The following IKZF2 variants were observed in gnomAD, a reference collection of about 807,000 sequenced individuals.
The protein encoded by IKZF2 is IKAROS family zinc finger 2, also known as zinc finger protein Helios.
Under a neutral mutation model 49.2 loss-of-function variants are expected in IKZF2, and 15 were observed. The observed-to-expected ratio is 0.30, with a 90% CI of 0.20 to 0.47. The LOEUF is 0.47. IKZF2 is among the 20% of genes least tolerant of loss of function. IKZF2 has a pLI of 1.00. For missense variants in IKZF2, 567 were observed against 664.6 expected (o/e 0.85, Z 1.61); for synonymous variants, 227 against 221.4 (o/e 1.03, Z -0.23).
chr2:213,033,313 A>C (rs1031498253), intron 6 of IKZF2, among the ~76,000 whole-genome samples: 16 of 152,310 alleles, frequency 1.1e-4, no homozygotes, highest in African/African-American at 3.8e-4. Flanking sequence ...ACTTTTTCCC[A>C]ACTCCTGTTA....
intron 4 of IKZF2, among the ~76,000 whole-genome samples, chr2:213,077,122 T>G (rs1037558982): frequency 2.7e-4 from 41 of 152,204 alleles, no homozygotes; most frequent in African/African-American, 8.2e-4. Flanking sequence ...GAATCTGGTA[T>G]AGAGAAGGCT....
chr2:213,040,845 C>T (rs1195196466), intron 6 of IKZF2, among the ~76,000 whole-genome samples: 3 of 152,214 alleles, frequency 2.0e-5, no homozygotes, highest in Non-Finnish European at 4.4e-5. Flanking sequence ...AGGGTGGGCG[C>T]AGTGGCTCAC....
At chr2:213,030,812 CTT>C (rs918257825) in intron 6 of IKZF2, among the ~76,000 whole-genome samples, 11 of 133,672 alleles carry the variant, frequency 8.2e-5, no homozygotes, top group Non-Finnish European at 8.0e-5. Context: ...TACTATTTTT[CTT>C]TTTTTTTTTT....
At chr2:213,138,942 A>C (rs2060774079) in intron 4 of IKZF2, among the ~76,000 whole-genome samples, 1 of 151,992 alleles carries the variant, frequency 6.6e-6, no homozygotes, top group African/African-American at 2.4e-5. Context: ...TCTTCATCTA[A>C]AATAGATATT....
intron 6 of IKZF2, among the ~76,000 whole-genome samples, chr2:213,022,422 C>T (rs1209564891): frequency 6.6e-6 from 1 of 152,146 alleles, no homozygotes; most frequent in Non-Finnish European, 1.5e-5. Flanking sequence ...AATTATCTCA[C>T]TCTTAATACA....
chr2:213,052,738 A>G (rs1247413451), intron 5 of IKZF2, among the ~76,000 whole-genome samples: 2 of 152,110 alleles, frequency 1.3e-5, no homozygotes, highest in Non-Finnish European at 2.9e-5. Flanking sequence ...TATCTGTCTA[A>G]TAACAAATAA....
intron 4 of IKZF2, among the ~76,000 whole-genome samples, chr2:213,136,387 A>G (rs13417637): frequency 0.07 from 7,007 of 99,762 alleles, 689 homozygotes; most frequent in African/African-American, 0.19. Flanking sequence ...AAAAAAAAAA[A>G]AAAAGAAAAA....
At chr2:213,123,153 T>C (rs1204616558) in intron 4 of IKZF2, among the ~76,000 whole-genome samples, 1 of 152,170 alleles carries the variant, frequency 6.6e-6, no homozygotes, top group Non-Finnish European at 1.5e-5. Flanking sequence ...ATATTATCTT[T>C]TTCACCTAGG....
chr2:213,073,801 T>A (rs1432731801), intron 4 of IKZF2, among the ~76,000 whole-genome samples: 1 of 152,188 alleles, frequency 6.6e-6, no homozygotes, highest in African/African-American at 2.4e-5. Flanking sequence ...CCTCCACATC[T>A]CTAAATAACC....
chr2:213,112,957 T>A (rs2059762691), intron 4 of IKZF2, among the ~76,000 whole-genome samples: 1 of 152,162 alleles, frequency 6.6e-6, no homozygotes, highest in Admixed American at 6.5e-5. Flanking sequence ...GACAAAACAT[T>A]TCCCTTGATC....
At chr2:213,119,759 T>A (rs2059990529) in intron 4 of IKZF2, among the ~76,000 whole-genome samples, 1 of 152,168 alleles carries the variant, frequency 6.6e-6, no homozygotes, top group Admixed American at 6.5e-5. Context: ...CACCATCATA[T>A]ATGGATCCCT....
chr2:213,143,383 G>T (rs1346115719), intron 4 of IKZF2, among the ~76,000 whole-genome samples: 1 of 151,952 alleles, frequency 6.6e-6, no homozygotes, highest in Non-Finnish European at 1.5e-5. Flanking sequence ...AAAAGATAGG[G>T]AGTTGGGAGC....
At chr2:213,134,600 T>A (rs1181334784) in intron 4 of IKZF2, among the ~76,000 whole-genome samples, 1 of 152,138 alleles carries the variant, frequency 6.6e-6, no homozygotes, top group African/African-American at 2.4e-5. Flanking sequence ...CTAGAATCAA[T>A]CCCTTAGGAC....
intron 6 of IKZF2, among the ~76,000 whole-genome samples, chr2:213,040,163 T>C (rs1365140625): frequency 6.6e-6 from 1 of 151,918 alleles, no homozygotes; most frequent in East Asian, 1.9e-4. Context: ...CTCTATGAGA[T>C]GCATTCTGTT....
intron 4 of IKZF2, among the ~76,000 whole-genome samples, chr2:213,097,498 TTAAAG>T (rs1478516863): frequency 8.5e-5 from 13 of 152,126 alleles, no homozygotes; most frequent in African/African-American, 2.9e-4. Flanking sequence ...ATTTCATATG[TTAAAG>T]TATTCAGAAA....
At chr2:213,019,136 T>C (rs1696919271) in intron 7 of IKZF2, among the ~76,000 whole-genome samples, 1 of 152,124 alleles carries the variant, frequency 6.6e-6, no homozygotes, top group African/African-American at 2.4e-5. Flanking sequence ...AATGCCTCTT[T>C]TCCTTTAAAA....
intron 4 of IKZF2, among the ~76,000 whole-genome samples, chr2:213,117,579 C>G (rs2059917012): frequency 6.6e-6 from 1 of 152,186 alleles, no homozygotes; most frequent in South Asian, 2.1e-4. Flanking sequence ...GGCAGGGGCT[C>G]TAACAATTAC....
At chr2:213,137,221 G>A (rs1356874574) in intron 4 of IKZF2, among the ~76,000 whole-genome samples, 8 of 151,960 alleles carry the variant, frequency 5.3e-5, no homozygotes, top group Non-Finnish European at 5.9e-5. Flanking sequence ...CATGCTTCGA[G>A]AACTTAAAAA....
upstream of IKZF2, chr2:213,151,725 TGCG>T (rs561944139): frequency 2.4e-4 from 35 of 145,864 alleles, no homozygotes; most frequent in South Asian, 1.5e-3. Flanking sequence ...TGGCGGCGGC[TGCG>T]GCGGCGGCGG....
Sources: gnomAD v4.1 joint callset for allele counts (sites outside exome capture counted in the v4.1 genomes callset) on GRCh38, gnomAD v4.1.1 for gene constraint, MANE v1.5 for transcripts, NCBI Gene and HGNC (gene_info 2026-07-23, HGNC 2026-07-21) for gene names.